Variants in MMP26 observed in about 807,000 individuals in gnomAD.
The protein encoded by MMP26 is matrix metallopeptidase 26, also known as matrix metalloproteinase-26.
In MMP26, 33 loss-of-function variants were observed where a neutral mutation model predicts 31.0. The ratio of observed to expected loss-of-function variants is 1.06; its 90% CI spans 0.81 to 1.42. MMP26 has a LOEUF of 1.42. Among genes scored for constraint, MMP26 ranks in the 40% most tolerant of loss-of-function variants. The pLI is 0.00. For missense variants in MMP26, 347 were observed against 316.1 expected (o/e 1.10, Z -0.74); for synonymous variants, 122 against 114.9 (o/e 1.06, Z -0.40).
chr11:4,982,068 A>G (rs892238462), intron 2 of MMP26, among the ~76,000 whole-genome samples: 4 of 150,534 alleles, frequency 2.7e-5, no homozygotes, highest in Admixed American at 6.6e-5. Context: ...GTATGTATGT[A>G]TATATATATA....
At chr11:4,971,452 G>A (rs1189776799) in intron 2 of MMP26, among the ~76,000 whole-genome samples, 1 of 152,156 alleles carries the variant, frequency 6.6e-6, no homozygotes, top group Non-Finnish European at 1.5e-5. Context: ...GATGCTTAAA[G>A]AACAGTAAGA....
At chr11:4,908,108 G>T (rs1282128297) in intron 2 of MMP26, 2 of 1,614,062 alleles carry the variant, frequency 1.2e-6, no homozygotes, top group Non-Finnish European at 1.7e-6. Context: ...CATCTGTGCT[G>T]TGCTCACCTT....
chr11:4,855,715 T>C (rs1359175365), intron 2 of MMP26, among the ~76,000 whole-genome samples: 1 of 152,030 alleles, frequency 6.6e-6, no homozygotes, highest in Admixed American at 6.6e-5. Context: ...TCAGGAAATA[T>C]AGAGAACGCC....
At chr11:4,854,408 A>C (rs1850019610) in intron 2 of MMP26, among the ~76,000 whole-genome samples, 1 of 152,190 alleles carries the variant, frequency 6.6e-6, no homozygotes, top group Non-Finnish European at 1.5e-5. Context: ...GCACAACAGG[A>C]CATTGTATCC....
chr11:4,982,692 A>G (rs1846831386), intron 2 of MMP26, among the ~76,000 whole-genome samples: 1 of 152,206 alleles, frequency 6.6e-6, no homozygotes, highest in African/African-American at 2.4e-5. Flanking sequence ...ATAAATACAT[A>G]TTTACAAGAG....
chr11:4,940,491 C>A (rs1009368535), intron 2 of MMP26, among the ~76,000 whole-genome samples: 5 of 152,058 alleles, frequency 3.3e-5, no homozygotes, highest in African/African-American at 9.7e-5. Flanking sequence ...TTTGTCTTAC[C>A]ATTTTAAATC....
intron 2 of MMP26, among the ~76,000 whole-genome samples, chr11:4,788,474 T>C (rs964014204): frequency 1.3e-5 from 2 of 152,046 alleles, no homozygotes; most frequent in Non-Finnish European, 2.9e-5. Context: ...ACAGAAGCAT[T>C]TTACCAGTAA....
At chr11:4,964,087 T>C (rs1846557831) in intron 2 of MMP26, among the ~76,000 whole-genome samples, 1 of 152,204 alleles carries the variant, frequency 6.6e-6, no homozygotes, top group South Asian at 2.1e-4. Context: ...GATAGTTTCT[T>C]TTGCTGTGCA....
intron 2 of MMP26, among the ~76,000 whole-genome samples, chr11:4,888,198 G>T (rs150247586): frequency 6.6e-6 from 1 of 152,144 alleles, no homozygotes; most frequent in Non-Finnish European, 1.5e-5. Context: ...GTTAAGGTCT[G>T]ACTTATTCTA....
At chr11:4,848,599 C>T in intron 2 of MMP26, 1 of 1,606,616 alleles carries the variant, frequency 6.2e-7, no homozygotes, top group South Asian at 1.1e-5. Flanking sequence ...AGGCTGTAGG[C>T]TGCACCCCAA....
At chr11:4,960,055 T>C (rs954452069) in intron 2 of MMP26, among the ~76,000 whole-genome samples, 2 of 109,662 alleles carry the variant, frequency 1.8e-5, no homozygotes, top group Admixed American at 1.5e-4. Context: ...CCCAGGAGAA[T>C]GCCTTGCTGA....
intron 1 of MMP26, among the ~76,000 whole-genome samples, chr11:4,734,970 G>A (rs1305234409): frequency 6.6e-6 from 1 of 152,236 alleles, no homozygotes; most frequent in Non-Finnish European, 1.5e-5. Flanking sequence ...CTGGGTGGAT[G>A]AAGGGAGTCA....
intron 2 of MMP26, among the ~76,000 whole-genome samples, chr11:4,854,233 G>A (rs1329744395): frequency 6.6e-6 from 1 of 152,112 alleles, no homozygotes; most frequent in African/African-American, 2.4e-5. Context: ...GTGGGTGCAG[G>A]CCACAGAGTG....
At chr11:4,882,790 G>A (rs747840575) in intron 2 of MMP26, 3 of 1,613,838 alleles carry the variant, frequency 1.9e-6, no homozygotes, top group South Asian at 1.1e-5. Context: ...ACAGCTTGAA[G>A]ACCAAGACAA....
intron 2 of MMP26, chr11:4,882,623 A>C: frequency 6.2e-7 from 1 of 1,613,950 alleles, no homozygotes. Flanking sequence ...AGCTCTCAGC[A>C]CTTGTGTCTG....
chr11:4,921,670 A>C (rs368420044), intron 2 of MMP26, among the ~76,000 whole-genome samples: 1 of 152,344 alleles, frequency 6.6e-6, no homozygotes, highest in Non-Finnish European at 1.5e-5. Flanking sequence ...CTACATATTT[A>C]AAATACTCGA....
At position 4,803,930 on chromosome 11, in the gene MMP26, C is replaced by T. The variant is rs559503864; in HGVS notation, c.-145+36589C>T. The T allele has an allele frequency of 7.4e-6, 12 of 1,613,316 alleles. No individual in the cohort carries two copies. Among genetic ancestry groups the T allele is most frequent in the East Asian group, 4.5e-5 (2 of 44,830 alleles). ...ACCCACAGCAGCCCTCTCAGCATCA[C>T]GATGGTCCCCAGTTTGATCACGACC... On this transcript the variant is annotated intron_variant, in intron 2 of 7. Coordinates refer to ENST00000380390, the MANE Select transcript of MMP26 (RefSeq NM_021801.5).
chr11:4,764,405 TAA>T (rs893082410), intron 1 of MMP26, among the ~76,000 whole-genome samples: 4 of 152,210 alleles, frequency 2.6e-5, no homozygotes, highest in African/African-American at 7.2e-5. Flanking sequence ...CTTTTTCTGA[TAA>T]GTGTCCCCAG....
In MMP26 at chr11:4,878,059, A is replaced by G. The variant is rs367816264; in HGVS notation, c.-144-110009A>G. ...TATTATCACCCAACAGAAGGCAAAC[A>G]TTGACTGGCAAGCATTGATTGGCAA... On this transcript the variant is annotated intron_variant, in intron 2 of 7. Coordinates refer to ENST00000380390, the MANE Select transcript of MMP26 (RefSeq NM_021801.5). 6 of 152,284 alleles carry G rather than the reference A, an allele frequency of 3.9e-5. No homozygotes were observed. The East Asian group carries it at 9.7e-4, about 25-fold the overall frequency. The allele number at this position is 152,284 out of a possible 1,614,324, so 9.4% of individuals were successfully genotyped here.
Sources: gnomAD v4.1 joint callset for allele counts (sites outside exome capture counted in the v4.1 genomes callset) on GRCh38, gnomAD v4.1.1 for gene constraint, MANE v1.5 for transcripts, NCBI Gene and HGNC (gene_info 2026-07-23, HGNC 2026-07-21) for gene names.